The following GRAMD1B variants were observed in gnomAD, a reference collection of about 807,000 sequenced individuals.
The protein encoded by GRAMD1B is protein Aster-B.
In GRAMD1B, 37 loss-of-function variants were observed where a neutral mutation model predicts 99.7. That is an observed-to-expected ratio of 0.37 (90% confidence interval 0.29 to 0.49). The LOEUF (loss-of-function observed/expected upper bound fraction) is 0.49. GRAMD1B is among the 20% of genes least tolerant of loss of function. The pLI is 0.98. For synonymous variants in GRAMD1B, 427 were observed against 387.6 expected, an observed-to-expected ratio of 1.10 and a Z score of -1.19; for missense variants, 888 against 1,009.2, an observed-to-expected ratio of 0.88 and a Z score of 1.63.
chr11:123,568,020 C>T (rs1287791280), intron 2 of GRAMD1B, among the ~76,000 whole-genome samples: 1 of 152,186 alleles, frequency 6.6e-6, no homozygotes, highest in African/African-American at 2.4e-5. Context: ...CCTAATGAGA[C>T]TATTTCTAGG....
chr11:123,599,219 G>C, intron 7 of GRAMD1B: 1 of 761,104 alleles, frequency 1.3e-6, no homozygotes, highest in South Asian at 1.3e-5. Context: ...AAAATTCCTT[G>C]GGTCCTGAAA....
Position 123,623,808 on chromosome 11 carries a change from A to G in GRAMD1B, c.*1213A>G, listed in dbSNP as rs1254325681. On this transcript the variant is annotated 3_prime_UTR_variant, in exon 20 of 20. Transcript: ENST00000635736. ...GGCAGGAAAAGGCCAAGTGAAATCT[A>G]TGCCCTACGGGAGCCATTCCCAATC... The G allele has an allele frequency of 6.6e-6, 1 of 152,322 alleles. No individual in the cohort carries two copies. The highest frequency in any genetic ancestry group is 1.5e-5 in the Non-Finnish European group (1 of 68,116). The allele number at this position is 152,322 out of a possible 1,614,324, so 9.4% of individuals were successfully genotyped here.
intron 7 of GRAMD1B, chr11:123,599,532 G>A (rs1565441497): frequency 3.9e-6 from 2 of 516,672 alleles, no homozygotes; most frequent in Non-Finnish European, 7.4e-6. Context: ...GAGTGCAGTA[G>A]CACTATCTTG....
intron 16 of GRAMD1B, among the ~76,000 whole-genome samples, chr11:123,614,169 G>C (rs552998996): frequency 1.3e-5 from 2 of 152,264 alleles, no homozygotes; most frequent in Admixed American, 1.3e-4. Flanking sequence ...CTGGAAACCT[G>C]GGACTCTAAG....
At chr11:123,468,308 A>C (rs1274738655) in intron 1 of GRAMD1B, among the ~76,000 whole-genome samples, 1 of 150,892 alleles carries the variant, frequency 6.6e-6, no homozygotes, top group Non-Finnish European at 1.5e-5. Flanking sequence ...AAATACATCA[A>C]GGGAGGATAG....
At position 123,534,355 on chromosome 11, in the gene GRAMD1B, T is replaced by G. The variant is rs190360045; in HGVS notation, c.453-43012T>G. 2.7e-4 allele frequency among the ~76,000 whole-genome samples: 41 copies of G among 152,334 alleles called. 1 individual carries two copies. Among genetic ancestry groups the G allele is most frequent in the African/African-American group, 9.9e-4 (41 of 41,570 alleles). ...GAGAAAGAGGAGGGGTTGGTCTTGC[T>G]GTCTCAGAGGCGACAGAGGTGAAAG... On this transcript the variant is annotated intron_variant, in intron 2 of 19. Transcript: ENST00000635736.
At chr11:123,398,261 G>T (rs1176411494) in intron 1 of GRAMD1B, among the ~76,000 whole-genome samples, 2 of 152,200 alleles carry the variant, frequency 1.3e-5, no homozygotes, top group African/African-American at 2.4e-5. Context: ...AGTTCTGGAG[G>T]CTGGAAAGTT....
intron 7 of GRAMD1B, chr11:123,599,161 G>C: frequency 1.3e-6 from 1 of 784,784 alleles, no homozygotes; most frequent in South Asian, 1.3e-5. Context: ...TCATTTGGGT[G>C]CTTCCGGTGG....
rs142696568 is a variant in GRAMD1B at position 123,383,764 on chromosome 11, T to G, written c.-176+24965T>G. 1.3e-3 allele frequency among the ~76,000 whole-genome samples: 200 copies of G among 151,828 alleles called. 2 individuals are homozygous for G. Among genetic ancestry groups the G allele is most frequent in the African/African-American group, 4.8e-3 (197 of 41,442 alleles). ...AACCTAAATTCTTCTCTAGCTTCTATATTTTGGCTATTGTTCCCTTCATGA... is the reference window on the plus strand; with the variant it reads ...AACCTAAATTCTTCTCTAGCTTCTAGATTTTGGCTATTGTTCCCTTCATGA... On this transcript the variant is annotated intron_variant, in intron 1 of 20. Coordinates refer to the GRAMD1B transcript ENST00000638157.
chr11:123,550,174 GA>G (rs1233443046), intron 2 of GRAMD1B, among the ~76,000 whole-genome samples: 1 of 152,208 alleles, frequency 6.6e-6, no homozygotes, highest in Non-Finnish European at 1.5e-5. Context: ...CTGAATTAAA[GA>G]GGAGCTGGAT....
intron 1 of GRAMD1B, among the ~76,000 whole-genome samples, chr11:123,420,493 C>T (rs763611522): frequency 6.6e-6 from 1 of 152,108 alleles, no homozygotes; most frequent in African/African-American, 2.4e-5. Context: ...GGGAGTTCTG[C>T]TAAATATTTG....
intron 18 of GRAMD1B, 91 bp downstream of exon 18, chr11:123,618,891 C>A: frequency 1.3e-6 from 1 of 759,882 alleles, no homozygotes; most frequent in South Asian, 1.5e-5. Context: ...GCCTCACTGC[C>A]CTTCCCCATC....
At chr11:123,459,229 C>T (rs1950300320) in intron 1 of GRAMD1B, 1 of 149,606 alleles carries the variant, frequency 6.7e-6, no homozygotes, top group South Asian at 2.1e-4. Context: ...ATTTGCTGAT[C>T]ATGGGAAAAT....
rs535544656 is a variant in GRAMD1B at position 123,411,098 on chromosome 11, G to A, written c.-176+52299G>A. On this transcript the variant is annotated intron_variant, in intron 1 of 20. Coordinates refer to the GRAMD1B transcript ENST00000638157. Reference sequence around the variant, plus strand: ...CGGCTCACTGCAAGCTCCACCTCCCGGGTTCATGCCATTCTCCTGCCTCAG... The same window carrying A: ...CGGCTCACTGCAAGCTCCACCTCCCAGGTTCATGCCATTCTCCTGCCTCAG... Among the ~76,000 whole-genome samples, 22 of 151,740 alleles carry A rather than the reference G, an allele frequency of 1.4e-4. No homozygotes were observed. In the South Asian group the frequency reaches 4.4e-3, roughly 30 times the overall value.
At position 123,364,982 on chromosome 11, in the gene GRAMD1B, C is replaced by T. The variant is rs374006050; in HGVS notation, c.-176+6183C>T. Among the ~76,000 whole-genome samples the T allele has an allele frequency of 1.2e-4, 18 of 152,238 alleles. No individual in the cohort carries two copies. In the South Asian group the frequency reaches 3.7e-3, roughly 32 times the overall value. ...CGATAAAAAAAATCACCTTTGAACT[C>T]TTCATTATTCTTATTTTATTGCTAC... On this transcript the variant is annotated intron_variant, in intron 1 of 20. Coordinates refer to the GRAMD1B transcript ENST00000638157.
chr11:123,555,669 A>G (rs2135930030), intron 2 of GRAMD1B, among the ~76,000 whole-genome samples: 1 of 151,872 alleles, frequency 6.6e-6, no homozygotes, highest in East Asian at 2.0e-4. Context: ...ATTTTTAGAA[A>G]TAACTGTAGG....
At chr11:123,431,628 A>G (rs936781711) in intron 1 of GRAMD1B, among the ~76,000 whole-genome samples, 3 of 152,146 alleles carry the variant, frequency 2.0e-5, no homozygotes, top group Non-Finnish European at 4.4e-5. Context: ...AGTGGTTTAT[A>G]TTTCAGGACT....
chr11:123,515,623 G>A (rs772096200), intron 2 of GRAMD1B, among the ~76,000 whole-genome samples: 11 of 152,074 alleles, frequency 7.2e-5, no homozygotes, highest in Non-Finnish European at 1.3e-4. Flanking sequence ...AAAAAAATTG[G>A]TGGACCAGCA....
At chr11:123,404,348 C>G (rs964082121) in intron 1 of GRAMD1B, among the ~76,000 whole-genome samples, 1 of 152,238 alleles carries the variant, frequency 6.6e-6, no homozygotes, top group African/African-American at 2.4e-5. Context: ...AGAGGTACCT[C>G]TCTTCAGCAA....
Sources: gnomAD v4.1 joint callset for allele counts (sites outside exome capture counted in the v4.1 genomes callset) on GRCh38, gnomAD v4.1.1 for gene constraint, MANE v1.5 for transcripts, NCBI Gene and HGNC (gene_info 2026-07-23, HGNC 2026-07-21) for gene names.